BACE2: variants seen among roughly 807,000 people sequenced by gnomAD.
BACE2 encodes the protein beta-secretase 2.
A neutral mutation model predicts 46.2 loss-of-function variants in BACE2; 17 were observed. The ratio of observed to expected loss-of-function variants is 0.37; its 90% confidence interval spans 0.25 to 0.55. BACE2 has a LOEUF of 0.55. Among genes scored for constraint, BACE2 ranks in the 20% least tolerant of loss-of-function variants. BACE2 has a pLI of 0.82. For synonymous variants in BACE2, 277 were observed against 295.9 expected (o/e 0.94, Z 0.66); for missense variants, 595 against 698.1 (o/e 0.85, Z 1.66).
At chr21:41,223,196 A>C (rs1434369415) in intron 1 of BACE2, among the ~76,000 whole-genome samples, 1 of 152,102 alleles carries the variant, frequency 6.6e-6, no homozygotes, top group African/African-American at 2.4e-5. Flanking sequence ...TCTACAAAAA[A>C]TAAAAATAAA....
intron 1 of BACE2, among the ~76,000 whole-genome samples, chr21:41,173,258 C>A (rs1984668978): frequency 6.6e-6 from 1 of 152,030 alleles, no homozygotes; most frequent in Non-Finnish European, 1.5e-5. Context: ...TTAATAATTT[C>A]AATTTGGGAT....
intron 6 of BACE2, 55 bp from the exon 7 acceptor site, chr21:41,250,697 T>G: frequency 1.3e-6 from 2 of 1,578,302 alleles, no homozygotes; most frequent in Non-Finnish European, 1.7e-6. Context: ...TGGAGCTGTT[T>G]CCTGTTGACG....
chr21:41,275,895 G>C lies in BACE2; in HGVS notation c.*271G>C. The C allele has an allele frequency of 2.3e-6, 1 of 442,218 alleles. No homozygotes were observed. The highest frequency in any genetic ancestry group is 4.1e-6 in the Non-Finnish European group (1 of 246,220). The allele number at this position is 442,218 out of a possible 1,614,324, so 27.4% of individuals were successfully genotyped here. ...TTGGGCTGCAGGCTCTATGGGGTTC[G>C]TTATGCCAAAGTGTCTACATGTGCC... On this transcript the variant is annotated 3_prime_UTR_variant, in exon 9 of 9. Coordinates refer to ENST00000330333, the MANE Select transcript of BACE2 (RefSeq NM_012105.5).
chr21:41,184,848 G>A (rs1240023775), intron 1 of BACE2: 1 of 167,004 alleles, frequency 6.0e-6, no homozygotes, highest in African/African-American at 2.4e-5. Context: ...AGCCATAAAA[G>A]CCTGTACATA....
chr21:41,218,895 G>C (rs112097565), intron 1 of BACE2, among the ~76,000 whole-genome samples: 2 of 147,124 alleles, frequency 1.4e-5, no homozygotes, highest in Admixed American at 6.7e-5. Context: ...ACAGAGTCTC[G>C]CTCTGTCACC....
chr21:41,219,849 C>T (rs535469772), intron 1 of BACE2, among the ~76,000 whole-genome samples: 1 of 152,334 alleles, frequency 6.6e-6, no homozygotes, highest in South Asian at 2.1e-4. Flanking sequence ...GGGGATTTCT[C>T]CTCACCAACA....
intron 2 of BACE2, among the ~76,000 whole-genome samples, 164 bp from the exon 3 acceptor site, chr21:41,237,349 G>C (rs1217141492): frequency 3.3e-5 from 5 of 152,184 alleles, no homozygotes; most frequent in Admixed American, 6.5e-5. Flanking sequence ...AGGAGGCTGA[G>C]GCAGGAGAAT....
At chr21:41,263,902 G>A (rs1988001946) in intron 8 of BACE2, among the ~76,000 whole-genome samples, 1 of 152,180 alleles carries the variant, frequency 6.6e-6, no homozygotes, top group Non-Finnish European at 1.5e-5. Context: ...CAATCTTAGA[G>A]AATTCCTAGC....
intron 1 of BACE2, among the ~76,000 whole-genome samples, chr21:41,208,363 G>T (rs925809274): frequency 6.6e-6 from 1 of 152,244 alleles, no homozygotes; most frequent in Non-Finnish European, 1.5e-5. Flanking sequence ...GCAGGTGCCT[G>T]CACCTTCTGG....
intron 1 of BACE2, among the ~76,000 whole-genome samples, chr21:41,221,804 G>T (rs1179956468): frequency 6.8e-6 from 1 of 147,186 alleles, no homozygotes; most frequent in African/African-American, 2.6e-5. Flanking sequence ...CTCCAGCCTG[G>T]GTGACTGAGC....
At position 41,168,504 on chromosome 21, in the gene BACE2, G is replaced by A; in HGVS notation, c.241G>A (p.Val81Ile). 3.6e-6 allele frequency: 5 copies of A among 1,381,794 alleles called. No homozygotes were observed. The highest frequency in any genetic ancestry group is 3.8e-6 in the Non-Finnish European group (4 of 1,062,872). The allele number at this position is 1,381,794 out of a possible 1,614,324, so 85.6% of individuals were successfully genotyped here. A position where few individuals can be genotyped will look rare whatever the true frequency, so the allele number is the denominator to read the frequency against. The change falls in exon 1 of 9, where the codon GTA becomes ATA. Residue 81 changes from valine to isoleucine, a missense_variant. Around this residue, in one of 3 missense-constraint regions of BACE2, gnomAD observed 248 missense variants for 261.4 expected, o/e 0.95. Transcript: ENST00000330333. ...PAGAANFLAM[V>I]DNLQGDSGRG... ...GGGCGCCGCCAACTTCTTGGCCATGGTAGACAACCTGCAGGGGGACTCTGG... is the reference window on the plus strand; with the variant it reads ...GGGCGCCGCCAACTTCTTGGCCATGATAGACAACCTGCAGGGGGACTCTGG...
At chr21:41,217,909 C>T (rs1986524450) in intron 1 of BACE2, among the ~76,000 whole-genome samples, 1 of 152,230 alleles carries the variant, frequency 6.6e-6, no homozygotes, top group African/African-American at 2.4e-5. Context: ...CTACCAGAAA[C>T]TGGGAGAGAC....
intron 8 of BACE2, among the ~76,000 whole-genome samples, chr21:41,267,971 T>C (rs1346060084): frequency 6.6e-6 from 1 of 152,190 alleles, no homozygotes; most frequent in Admixed American, 6.5e-5. Flanking sequence ...TTATCCTTGG[T>C]AAAATTACAG....
chr21:41,218,259 T>C (rs890272821), intron 1 of BACE2, among the ~76,000 whole-genome samples: 2 of 152,120 alleles, frequency 1.3e-5, no homozygotes, highest in Non-Finnish European at 2.9e-5. Context: ...AAATAAGACA[T>C]GCTTTAGATT....
intron 1 of BACE2, among the ~76,000 whole-genome samples, chr21:41,188,897 G>A (rs767734657): frequency 2.0e-5 from 3 of 152,172 alleles, no homozygotes; most frequent in Non-Finnish European, 2.9e-5. Context: ...TTTTAGCACA[G>A]CCAATGGCAC....
At chr21:41,180,763 A>T (rs1337073427) in intron 1 of BACE2, 2 of 167,110 alleles carry the variant, frequency 1.2e-5, no homozygotes, top group African/African-American at 4.8e-5. Context: ...TTGCTCATAG[A>T]TCTTTTGAAT....
intron 8 of BACE2, among the ~76,000 whole-genome samples, chr21:41,274,423 T>C (rs552444738): frequency 1.9e-4 from 29 of 152,256 alleles, no homozygotes; most frequent in Middle Eastern, 3.4e-3. Context: ...TACAGAAAAA[T>C]CAAATTCTTA....
intron 1 of BACE2, among the ~76,000 whole-genome samples, chr21:41,217,812 C>T (rs113319251): frequency 2.0e-5 from 3 of 152,330 alleles, no homozygotes; most frequent in African/African-American, 7.2e-5. Flanking sequence ...TGAAGATGGA[C>T]GGAGCAAGTA....
At chr21:41,260,352 C>T (rs1987903720) in intron 8 of BACE2, among the ~76,000 whole-genome samples, 1 of 151,952 alleles carries the variant, frequency 6.6e-6, no homozygotes, top group South Asian at 2.1e-4. Context: ...GCTGCGTTGC[C>T]CAGGCTGGTC....
Sources: allele counts gnomAD v4.1 joint callset (sites outside exome capture counted in the v4.1 genomes callset), GRCh38; gene constraint gnomAD v4.1.1; regional missense constraint gnomAD v4.1.1; transcripts MANE v1.5; gene names NCBI Gene and HGNC (gene_info 2026-07-23, HGNC 2026-07-21).